TAFA2: variants seen among roughly 807,000 people sequenced by gnomAD.
TAFA2 encodes TAFA chemokine like family member 2, also known as chemokine-like protein TAFA-2.
Under a neutral mutation model 18.8 loss-of-function variants are expected in TAFA2, and 7 were observed. The ratio of observed to expected loss-of-function variants is 0.37; its 90% CI spans 0.21 to 0.70. TAFA2 has a LOEUF of 0.70. TAFA2 is among the 30% of genes least tolerant of loss of function. The pLI, the probability that TAFA2 is intolerant of heterozygous loss-of-function variation, is 0.53. For missense variants in TAFA2, 122 were observed against 158.1 expected (o/e 0.77, Z 1.23); for synonymous variants, 60 against 54.2 (o/e 1.11, Z -0.47).
At chr12:62,143,342 T>C (rs1398143761) in intron 1 of TAFA2, among the ~76,000 whole-genome samples, 2 of 152,204 alleles carry the variant, frequency 1.3e-5, no homozygotes, top group East Asian at 1.9e-4. Flanking sequence ...CAAATTGACT[T>C]GGGAAAGAAC....
intron 4 of TAFA2, among the ~76,000 whole-genome samples, chr12:61,714,674 A>T (rs2120556279): frequency 6.6e-6 from 1 of 152,294 alleles, no homozygotes; most frequent in South Asian, 2.1e-4. Context: ...TACAGTTTCC[A>T]TTTTATTGTT....
At chr12:62,014,398 G>A (rs1313512975) in intron 1 of TAFA2, among the ~76,000 whole-genome samples, 1 of 152,160 alleles carries the variant, frequency 6.6e-6, no homozygotes, top group Non-Finnish European at 1.5e-5. Flanking sequence ...GGAGGCCAAG[G>A]CGGGCGAATC....
intron 1 of TAFA2, chr12:61,880,437 G>C: frequency 1.9e-6 from 1 of 539,186 alleles, no homozygotes; most frequent in Non-Finnish European, 3.8e-6. Flanking sequence ...CAGCAGCTGC[G>C]TGTATACCAG....
At chr12:61,989,617 A>G (rs1170038710) in intron 1 of TAFA2, among the ~76,000 whole-genome samples, 1 of 152,188 alleles carries the variant, frequency 6.6e-6, no homozygotes, top group Non-Finnish European at 1.5e-5. Flanking sequence ...GGCTTGTTTT[A>G]GAAGGTGCAC....
chr12:61,916,580 A>G (rs923000899), intron 1 of TAFA2, among the ~76,000 whole-genome samples: 5 of 152,118 alleles, frequency 3.3e-5, no homozygotes, highest in African/African-American at 1.2e-4. Flanking sequence ...CAGACCCTCT[A>G]TTGCCTGTTA....
chr12:62,165,951 A>T (rs1000722787), intron 1 of TAFA2, among the ~76,000 whole-genome samples: 1 of 151,112 alleles, frequency 6.6e-6, no homozygotes, highest in Non-Finnish European at 1.5e-5. Context: ...ACACACACAC[A>T]CACACACACA....
chr12:61,940,207 G>A (rs1247285827), intron 1 of TAFA2, among the ~76,000 whole-genome samples: 1 of 152,160 alleles, frequency 6.6e-6, no homozygotes. Context: ...GACATGTAAT[G>A]TGTGCAATTG....
At chr12:61,910,153 A>G (rs7976093) in intron 1 of TAFA2, among the ~76,000 whole-genome samples, 120,717 of 151,084 alleles carry the variant, frequency 0.8, 48,832 homozygotes, top group African/African-American at 0.92. Flanking sequence ...GCTGCAGGTT[A>G]TGCTAATCCA....
upstream of TAFA2, among the ~76,000 whole-genome samples, chr12:62,194,330 C>CA (rs5798636): frequency 0.99 from 150,115 of 151,648 alleles, 74,302 homozygotes; most frequent in East Asian, 1. Context: ...CACACACATA[C>CA]AAAAAAACAT....
intron 4 of TAFA2, among the ~76,000 whole-genome samples, chr12:61,736,506 A>T (rs1868306763): frequency 6.6e-6 from 1 of 152,028 alleles, no homozygotes. Flanking sequence ...CTGCCTGCAT[A>T]GTACTTCTGC....
intron 1 of TAFA2, among the ~76,000 whole-genome samples, chr12:62,145,883 C>T (rs944214076): frequency 3.9e-5 from 6 of 152,332 alleles, no homozygotes; most frequent in African/African-American, 1.4e-4. Context: ...TACCCCACAG[C>T]CTTTTGCTGT....
intron 2 of TAFA2, among the ~76,000 whole-genome samples, chr12:61,773,230 T>C (rs1296732070): frequency 6.6e-6 from 1 of 151,924 alleles, no homozygotes; most frequent in Non-Finnish European, 1.5e-5. Flanking sequence ...TGAGAACATA[T>C]CCCATGCTCA....
chr12:62,063,758 A>C (rs561723492), intron 1 of TAFA2, among the ~76,000 whole-genome samples: 1 of 152,232 alleles, frequency 6.6e-6, no homozygotes, highest in East Asian at 1.9e-4. Flanking sequence ...AAAAACCTTT[A>C]AGAGCAAAGC....
chr12:61,729,470 C>T (rs187000862), intron 4 of TAFA2, among the ~76,000 whole-genome samples: 89 of 151,876 alleles, frequency 5.9e-4, no homozygotes, highest in Non-Finnish European at 9.7e-4. Context: ...AAAGCCTTGT[C>T]TTGGAGCCCT....
intron 4 of TAFA2, among the ~76,000 whole-genome samples, chr12:61,734,625 C>T (rs71465106): frequency 0.1 from 15,896 of 151,972 alleles, 1,083 homozygotes; most frequent in East Asian, 0.23. Context: ...AGAGACAAAG[C>T]CAAAAATTAT....
At chr12:61,969,371 G>A (rs1879169013) in intron 1 of TAFA2, among the ~76,000 whole-genome samples, 1 of 151,630 alleles carries the variant, frequency 6.6e-6, no homozygotes, top group African/African-American at 2.4e-5. Flanking sequence ...TTGAACACAG[G>A]CTAAGTCTGG....
chr12:62,206,561 T>G (rs946742226), intron 1 of TAFA2, among the ~76,000 whole-genome samples: 4 of 152,120 alleles, frequency 2.6e-5, no homozygotes, highest in African/African-American at 9.7e-5. Context: ...AGGTTCTCAC[T>G]CCTGTCACCC....
At chr12:62,155,292 T>C (rs181978186) in intron 1 of TAFA2, among the ~76,000 whole-genome samples, 215 of 152,132 alleles carry the variant, frequency 1.4e-3, no homozygotes, top group Non-Finnish European at 2.4e-3. Context: ...CTGAAAGAAA[T>C]CATAGATGAC....
chr12:61,938,935 TA>T (rs997956695), intron 1 of TAFA2, among the ~76,000 whole-genome samples: 25 of 147,688 alleles, frequency 1.7e-4, no homozygotes, highest in African/African-American at 3.7e-4. Context: ...GGTGAGGGAT[TA>T]AAAAAAAAAC....
Sources: gnomAD v4.1 joint callset for allele counts (sites outside exome capture counted in the v4.1 genomes callset) on GRCh38, gnomAD v4.1.1 for gene constraint, MANE v1.5 for transcripts, NCBI Gene and HGNC (gene_info 2026-07-23, HGNC 2026-07-21) for gene names.